Variants in PLEKHH2 observed in about 807,000 individuals in gnomAD.
PLEKHH2 encodes pleckstrin homology domain-containing family H member 2.
A neutral mutation model predicts 187.9 loss-of-function variants in PLEKHH2; 129 were observed. That is an observed-to-expected ratio of 0.69 (90% CI 0.59 to 0.79). PLEKHH2 has a LOEUF of 0.79. Among genes scored for constraint, PLEKHH2 ranks in the 30% least tolerant of loss-of-function variants. The pLI is 0.00. For synonymous variants in PLEKHH2, 686 were observed against 605.6 expected (o/e 1.13, Z -1.95); for missense variants, 2,076 against 1,751.2 (o/e 1.19, Z -3.31).
intron 27 of PLEKHH2, among the ~76,000 whole-genome samples, chr2:43,760,486 C>T (rs539340208): frequency 2.7e-4 from 40 of 150,414 alleles, no homozygotes; most frequent in Admixed American, 2.7e-4. Context: ...CTTCAGCCTT[C>T]CAAGTAGCTG....
At chr2:43,691,674 C>CTGTT (rs1668803005) in intron 3 of PLEKHH2, among the ~76,000 whole-genome samples, 1 of 152,060 alleles carries the variant, frequency 6.6e-6, no homozygotes, top group Non-Finnish European at 1.5e-5. Flanking sequence ...ATGTAAAGTA[C>CTGTT]TGTTCTTTTT....
chr2:43,689,666 C>G (rs1355567084), intron 3 of PLEKHH2, among the ~76,000 whole-genome samples: 4 of 152,178 alleles, frequency 2.6e-5, no homozygotes. Flanking sequence ...TTGCTTGTAA[C>G]TACTTTGTGG....
intron 9 of PLEKHH2, among the ~76,000 whole-genome samples, chr2:43,704,614 G>C (rs56255436): frequency 0.032 from 4,359 of 138,102 alleles, 224 homozygotes; most frequent in African/African-American, 0.11. Flanking sequence ...AGTGAGCTGA[G>C]ATTGTGCCAC....
rs73923830 is a variant in PLEKHH2, at chr2:43,675,709, C to A, written c.124-3154C>A. On this transcript the variant is annotated intron_variant, in intron 2 of 29. Transcript: ENST00000282406. ...CTTCCAAATCACACTTTGATCTGCA[C>A]AGGTCTCAGAGTTATCGAGAAGTCT... 12,878 of 1,613,920 alleles carry A rather than the reference C, an allele frequency of 8.0e-3. 932 individuals are homozygous for A. In the African/African-American group the frequency reaches 0.15, roughly 19 times the overall value.
chr2:43,685,290 T>C (rs561434552), intron 3 of PLEKHH2, among the ~76,000 whole-genome samples: 2 of 152,354 alleles, frequency 1.3e-5, no homozygotes, highest in Admixed American at 1.3e-4. Flanking sequence ...TGTACATTTT[T>C]CCCTTTGTTT....
intron 17 of PLEKHH2, among the ~76,000 whole-genome samples, chr2:43,729,054 C>A (rs1022433292): frequency 1.3e-5 from 2 of 152,022 alleles, no homozygotes; most frequent in Non-Finnish European, 2.9e-5. Flanking sequence ...AGTAGAATAT[C>A]CTGCAGCCAT....
At chr2:43,744,018 G>A (rs1671678272) in intron 23 of PLEKHH2, 29 bp downstream of exon 23, 1 of 1,602,180 alleles carries the variant, frequency 6.2e-7, no homozygotes. Context: ...CAGGAGCCAA[G>A]CCCAACGAAC....
At chr2:43,743,436 G>C (rs1027313735) in intron 22 of PLEKHH2, among the ~76,000 whole-genome samples, 1 of 152,068 alleles carries the variant, frequency 6.6e-6, no homozygotes, top group Admixed American at 6.6e-5. Flanking sequence ...GCCTATTAAA[G>C]AAACAAACAT....
At chr2:43,688,451 CT>C (rs1427078692) in intron 3 of PLEKHH2, among the ~76,000 whole-genome samples, 1 of 152,208 alleles carries the variant, frequency 6.6e-6, no homozygotes, top group Non-Finnish European at 1.5e-5. Flanking sequence ...TTGCAACCCC[CT>C]CTTAAAAATA....
chr2:43,759,876 G>T (rs181585284), intron 27 of PLEKHH2, among the ~76,000 whole-genome samples: 116 of 152,234 alleles, frequency 7.6e-4, no homozygotes, highest in Admixed American at 2.0e-3. Context: ...TTCCTCATCT[G>T]TTAATGAAAT....
intron 24 of PLEKHH2, among the ~76,000 whole-genome samples, chr2:43,746,388 G>A (rs1430130887): frequency 6.6e-6 from 1 of 152,094 alleles, no homozygotes; most frequent in Non-Finnish European, 1.5e-5. Flanking sequence ...GCATGTGCCT[G>A]TAATCTCAGC....
intron 2 of PLEKHH2, among the ~76,000 whole-genome samples, chr2:43,657,391 A>G (rs1447855616): frequency 6.6e-6 from 1 of 152,158 alleles, no homozygotes; most frequent in Non-Finnish European, 1.5e-5. Context: ...AAACAACTGG[A>G]AACTATCTGA....
At position 43,765,503 on chromosome 2, in the gene PLEKHH2, C is replaced by T. The variant is rs139188539; in HGVS notation, c.4387C>T (p.Leu1463Phe). Residue 1463 changes from leucine (L) to phenylalanine (F), a missense_variant, in exon 30 of 30, where the codon CTC (leucine) becomes TTC (phenylalanine). Physicochemically the swap from Leu to Phe is conservative, Grantham distance 22. Transcript: ENST00000282406. ...AFHHLSAPAL[L>F]SAQTRGPQAR... is the part of the protein sequence containing the mutation. ...TCACCACCTCTCTGCTCCAGCACTG[C>T]TCTCAGCCCAGACCCGGGGACCCCA... 1.1e-5 allele frequency: 17 copies of T among 1,614,142 alleles called. No homozygotes were observed. In the African/African-American group the frequency reaches 2.1e-4, roughly 20 times the overall value.
At chr2:43,675,855 CA>C in intron 2 of PLEKHH2, 1 of 1,614,038 alleles carries the variant, frequency 6.2e-7, no homozygotes, top group South Asian at 1.1e-5. Context: ...CCCTTGTAAA[CA>C]AAAGGTACTT....
rs1670008790 is a variant in PLEKHH2, at chr2:43,712,348, G to A, written c.2425G>A (p.Glu809Lys). ...TGCCAACCCACTTTCCCTGCAGCCT[G>A]AGGGCAAACCCACCATGAAGGGATT... ...QAANPLSLQP[E>K]GKPTMKGLLT... is the part of the protein sequence containing the mutation. The change falls in exon 15 of 30, where the codon GAG becomes AAG. Residue 809 changes from glutamate to lysine, a missense_variant. By Grantham distance (56) the Glu-to-Lys change is moderately conservative. Coordinates refer to ENST00000282406, the MANE Select transcript of PLEKHH2 (RefSeq NM_172069.4). The A allele has an allele frequency of 1.2e-6, 2 of 1,614,190 alleles. No homozygotes were observed. The highest frequency in any genetic ancestry group is 4.5e-5 in the East Asian group (2 of 44,876).
chr2:43,684,530 C>G (rs1324001616), intron 3 of PLEKHH2, among the ~76,000 whole-genome samples: 1 of 151,778 alleles, frequency 6.6e-6, no homozygotes, highest in Non-Finnish European at 1.5e-5. Context: ...ACTATCTACA[C>G]CCGCCCCCCA....
At chr2:43,642,637 A>T (rs1665999453) in intron 1 of PLEKHH2, among the ~76,000 whole-genome samples, 1 of 152,050 alleles carries the variant, frequency 6.6e-6, no homozygotes. Context: ...GTTCCTGTCT[A>T]TTTGTAGTTT....
chr2:43,709,710 C>T (rs751270876), intron 11 of PLEKHH2, among the ~76,000 whole-genome samples: 1 of 152,200 alleles, frequency 6.6e-6, no homozygotes, highest in African/African-American at 2.4e-5. Context: ...GTGGCGCACA[C>T]CTGTAGCCCC....
chr2:43,729,517 T>G, intron 17 of PLEKHH2, 120 bp from the exon 18 acceptor site: 1 of 570,708 alleles, frequency 1.8e-6, no homozygotes, highest in East Asian at 3.2e-5. Context: ...CATTATTATT[T>G]AAAAATTAAA....
Sources: gnomAD v4.1 joint callset for allele counts (sites outside exome capture counted in the v4.1 genomes callset) on GRCh38, gnomAD v4.1.1 for gene constraint, MANE v1.5 for transcripts, NCBI Gene and HGNC (gene_info 2026-07-23, HGNC 2026-07-21) for gene names.